The following CARHSP1 variants were observed in gnomAD, a reference collection of about 807,000 sequenced individuals.
CARHSP1 encodes the protein calcium-regulated heat-stable protein 1.
A neutral mutation model predicts 12.5 loss-of-function variants in CARHSP1; 14 were observed. That is an observed-to-expected ratio of 1.12 (90% confidence interval 0.74 to 1.75). CARHSP1 has a LOEUF of 1.75. CARHSP1 is among the 40% of genes most tolerant of loss of function. The pLI, the probability that CARHSP1 is intolerant of heterozygous loss-of-function variation, is 0.00. For missense variants in CARHSP1, 343 were observed against 201.6 expected (o/e 1.70, Z -4.25); for synonymous variants, 161 against 82.0 (o/e 1.96, Z -5.20).
Position 8,858,331 on chromosome 16 carries a change from A to T in CARHSP1, c.281+19T>A, listed in dbSNP as rs2061219244. 1.2e-6 allele frequency: 2 copies of T among 1,611,666 alleles called. No homozygotes were observed. The highest frequency in any genetic ancestry group is 1.7e-6 in the Non-Finnish European group (2 of 1,179,528). On this transcript the variant is annotated intron_variant, in intron 3 of 3. Coordinates refer to ENST00000311052, the MANE Select transcript of CARHSP1 (RefSeq NM_014316.4). ...AGCGCCCACCCCAGCCAGGCCACCC[A>T]GACCTGCCGCTGACTCACTCAGAGA...
rs2060986006 is a variant in CARHSP1 at position 8,852,965 on chromosome 16, T to C, written c.*2199A>G. On this transcript the variant is annotated 3_prime_UTR_variant, in exon 4 of 4. Coordinates refer to ENST00000311052, the MANE Select transcript of CARHSP1 (RefSeq NM_014316.4). The stretch of plus-strand genomic sequence containing the variant: ...CATAGCCTTGCACAAAACAAAAATT[T>C]ATTGGGAGAAAGATGGCTGATGGGA... The C allele has an allele frequency of 6.6e-6, 1 of 152,086 alleles. No individual in the cohort carries two copies. Among genetic ancestry groups the C allele is most frequent in the African/African-American group, 2.4e-5 (1 of 41,384 alleles). The allele number at this position is 152,086 out of a possible 1,614,324, so 9.4% of individuals were successfully genotyped here.
In CARHSP1 at chr16:8,854,195, A is replaced by C. The variant is rs1461495244; in HGVS notation, c.*969T>G. The C allele has an allele frequency of 1.3e-5, 2 of 152,268 alleles. No homozygotes were observed. The highest frequency in any genetic ancestry group is 2.9e-5 in the Non-Finnish European group (2 of 68,000). 9.4% of individuals were successfully genotyped at this position (152,268 alleles called of 1,614,324 possible). ...AAAAAAAAATCCCTAAGCATTTCTT[A>C]ACACTAGTTTTAAAGAAAACCCCCT... On this transcript the variant is annotated 3_prime_UTR_variant, in exon 4 of 4. Transcript: ENST00000311052.
chr16:8,856,380 C>A (rs1199192785), intron 3 of CARHSP1, among the ~76,000 whole-genome samples: 1 of 152,214 alleles, frequency 6.6e-6, no homozygotes, highest in Non-Finnish European at 1.5e-5. Context: ...CCTCTTTGAT[C>A]TGGTCACGAG....
Position 8,859,337 on chromosome 16 carries a change from T to C in CARHSP1, c.-7-2A>G, listed in dbSNP as rs759529474. On this transcript the variant is annotated splice_acceptor_variant, in intron 1 of 3. Coordinates refer to ENST00000311052, the MANE Select transcript of CARHSP1 (RefSeq NM_014316.4). LOFTEE classifies it low-confidence loss of function (5UTR_SPLICE). ...GGAGGCTCAGATGACATGGCTGACC[T>C]GGAAAGAGAAGAGGCTGTCAGGGGC... The C allele has an allele frequency of 1.9e-6, 3 of 1,597,298 alleles. No individual in the cohort carries two copies. Among genetic ancestry groups the C allele is most frequent in the African/African-American group, 2.7e-5 (2 of 73,704 alleles).
intron 1 of CARHSP1, among the ~76,000 whole-genome samples, chr16:8,864,286 G>A (rs2061420185): frequency 6.6e-6 from 1 of 152,054 alleles, no homozygotes; most frequent in Non-Finnish European, 1.5e-5. Context: ...GTATGCACAC[G>A]TCCATGGAGC....
rs2061150197 is a variant in CARHSP1, at chr16:8,857,263, G to GTTCTTTGTT, written c.281+1086_281+1087insAACAAAGAA. ...TGGCTATGTGATCTTGGGCAGATCTGTTTTTTTTTTTTTTTTTTTTTTTTT... is the reference window on the plus strand; with the variant it reads ...TGGCTATGTGATCTTGGGCAGATCTGTTCTTTGTTTTTTTTTTTTTTTTTTTTTTTTTTT... On this transcript the variant is annotated intron_variant, in intron 3 of 3. Transcript: ENST00000311052. Among the ~76,000 whole-genome samples, 2 of 57,006 alleles carry GTTCTTTGTT rather than the reference G, an allele frequency of 3.5e-5. 1 individual carries two copies. The highest frequency in any genetic ancestry group is 7.4e-5 in the Non-Finnish European group (2 of 26,896). The allele number at this position is 57,006 out of a possible 152,430, so 37.4% of individuals were successfully genotyped here.
intron 1 of CARHSP1, among the ~76,000 whole-genome samples, chr16:8,864,121 G>A (rs1371185029): frequency 2.6e-5 from 4 of 152,238 alleles, no homozygotes; most frequent in African/African-American, 9.6e-5. Context: ...GCATGTACAT[G>A]TGTGCTCGTT....
chr16:8,856,828 C>T (rs1003536559), intron 3 of CARHSP1, among the ~76,000 whole-genome samples: 1 of 152,106 alleles, frequency 6.6e-6, no homozygotes, highest in Non-Finnish European at 1.5e-5. Context: ...AAAGGCTGCC[C>T]AGAGGATCAG....
At chr16:8,866,830 A>C (rs1480710252) in intron 1 of CARHSP1, among the ~76,000 whole-genome samples, 2 of 152,110 alleles carry the variant, frequency 1.3e-5, no homozygotes, top group African/African-American at 2.4e-5. Flanking sequence ...GTCACAGAGA[A>C]GTGCAAACAG....
intron 1 of CARHSP1, among the ~76,000 whole-genome samples, chr16:8,863,593 G>A (rs956560897): frequency 1.2e-4 from 18 of 152,210 alleles, no homozygotes; most frequent in African/African-American, 4.3e-4. Flanking sequence ...TGCCAACTGG[G>A]AGACCCAGGA....
rs538591141 is a variant in CARHSP1, at chr16:8,855,257, C to T, written c.351G>A (p.Lys117=). Residue 117 remains lysine (K), a synonymous_variant, in exon 4 of 4, where the codon AAG becomes AAA. Coordinates refer to ENST00000311052, the MANE Select transcript of CARHSP1 (RefSeq NM_014316.4). ...VTYKMCSIPP[K]NEKLQAVEVV... ...CCTCCACGGCCTGCAGCTTCTCATT[C>T]TTGGGTGGGATGGAGCACATTTTAT... 76 of 1,613,236 alleles carry T rather than the reference C, an allele frequency of 4.7e-5. No individual in the cohort carries two copies. The highest frequency in any genetic ancestry group is 5.9e-5 in the Non-Finnish European group (70 of 1,179,534).
At chr16:8,857,766 T>TTA (rs1348528146) in intron 3 of CARHSP1, 1 of 146,612 alleles carries the variant, frequency 6.8e-6, no homozygotes, top group African/African-American at 2.6e-5. Context: ...ATTATTTTTT[T>TTA]TTTTTTTTTT....
At chr16:8,858,783 C>G (rs997282132) in intron 2 of CARHSP1, 1 of 439,158 alleles carries the variant, frequency 2.3e-6, no homozygotes, top group African/African-American at 2.0e-5. Context: ...ACACAAGCAT[C>G]CTCCACTCGC....
At chr16:8,861,829 C>T in intron 1 of CARHSP1, 1 of 1,195,246 alleles carries the variant, frequency 8.4e-7, no homozygotes, top group Non-Finnish European at 1.1e-6. Context: ...CCCAGAGTTC[C>T]AGGAAAGAGG....
intron 3 of CARHSP1, chr16:8,858,067 C>A (rs1465654339): frequency 4.7e-6 from 2 of 428,060 alleles, no homozygotes; most frequent in African/African-American, 4.0e-5. Context: ...CCAGCACACA[C>A]AAAACCTTAC....
chr16:8,860,778 C>T (rs1043472702), intron 1 of CARHSP1, among the ~76,000 whole-genome samples: 4 of 152,002 alleles, frequency 2.6e-5, no homozygotes, highest in Non-Finnish European at 5.9e-5. Flanking sequence ...GGGCCAGGTG[C>T]GGTGGCTCAC....
At chr16:8,859,959 A>AAAATTAGCTGGGCGTGGTG (rs2061296567) in intron 1 of CARHSP1, 1 of 173,768 alleles carries the variant, frequency 5.8e-6, no homozygotes, top group Non-Finnish European at 1.1e-5. Flanking sequence ...CCTGGGCTAC[A>AAAATTAGCTGGGCGTGGTG]GAGCAAGACT....
At chr16:8,860,991 A>C (rs192898302) in intron 1 of CARHSP1, among the ~76,000 whole-genome samples, 1 of 147,896 alleles carries the variant, frequency 6.8e-6, no homozygotes, top group African/African-American at 2.5e-5. Context: ...TGTGGGTTGC[A>C]ATGAGCCGAG....
chr16:8,853,538 A>T lies in CARHSP1; in HGVS notation c.*1626T>A, dbSNP rs577779329. The stretch of plus-strand genomic sequence containing the variant: ...TCCACCCCCTTAGGCTGAAAGGACA[A>T]ACTCATCAGAGTTGAGGAGTACCTA... On this transcript the variant is annotated 3_prime_UTR_variant, in exon 4 of 4. Coordinates refer to ENST00000311052, the MANE Select transcript of CARHSP1 (RefSeq NM_014316.4). The T allele has an allele frequency of 2.0e-5, 3 of 152,194 alleles. No individual in the cohort carries two copies. The highest frequency in any genetic ancestry group is 2.9e-5 in the Non-Finnish European group (2 of 68,042). The allele number at this position is 152,194 out of a possible 1,614,324, so 9.4% of individuals were successfully genotyped here. A position where few individuals can be genotyped will look rare whatever the true frequency, so the allele number is the denominator to read the frequency against.
Sources: gnomAD v4.1 joint callset for allele counts (sites outside exome capture counted in the v4.1 genomes callset) on GRCh38, gnomAD v4.1.1 for gene constraint, MANE v1.5 for transcripts, NCBI Gene and HGNC (gene_info 2026-07-23, HGNC 2026-07-21) for gene names.